Variants in ZHX2 observed in about 807,000 individuals in gnomAD.
ZHX2 encodes the protein zinc fingers and homeoboxes protein 2.
In ZHX2, 6 loss-of-function variants were observed where a neutral mutation model predicts 21.9. That is an observed-to-expected ratio of 0.27 (90% CI 0.15 to 0.54). ZHX2 has a LOEUF of 0.54. ZHX2 is among the 20% of genes least tolerant of loss of function. ZHX2 has a pLI of 0.95. For missense variants in ZHX2, 908 were observed against 1,090.7 expected (o/e 0.83, Z 2.36); for synonymous variants, 434 against 437.1 (o/e 0.99, Z 0.09).
At chr8:122,795,695 C>A (rs1253338594) in intron 1 of ZHX2, among the ~76,000 whole-genome samples, 1 of 152,082 alleles carries the variant, frequency 6.6e-6, no homozygotes, top group Admixed American at 6.5e-5. Context: ...TCCCAACTAC[C>A]CCCATTGGTA....
intron 1 of ZHX2, among the ~76,000 whole-genome samples, chr8:122,806,985 C>G (rs1450854722): frequency 6.6e-6 from 1 of 152,178 alleles, no homozygotes; most frequent in Non-Finnish European, 1.5e-5. Flanking sequence ...GTTCGTCCCA[C>G]TGGTAGAGCT....
intron 2 of ZHX2, among the ~76,000 whole-genome samples, chr8:122,921,234 A>G (rs554477129): frequency 2.4e-4 from 36 of 152,202 alleles, no homozygotes; most frequent in African/African-American, 8.7e-4. Flanking sequence ...GGCACCCACA[A>G]CCACACCTGG....
At chr8:122,941,795 C>T (rs1181271723) in intron 2 of ZHX2, among the ~76,000 whole-genome samples, 1 of 152,174 alleles carries the variant, frequency 6.6e-6, no homozygotes, top group Non-Finnish European at 1.5e-5. Flanking sequence ...AAGGCTGTGC[C>T]GCAGTTGCGT....
At chr8:122,854,109 G>A (rs553755687) in intron 1 of ZHX2, among the ~76,000 whole-genome samples, 21 of 152,296 alleles carry the variant, frequency 1.4e-4, no homozygotes, top group Middle Eastern at 6.8e-3. Flanking sequence ...CAGCTGAGGC[G>A]TGCTAGGTGG....
At chr8:122,905,019 T>A (rs1256459777) in intron 2 of ZHX2, among the ~76,000 whole-genome samples, 3 of 152,184 alleles carry the variant, frequency 2.0e-5, no homozygotes, top group Admixed American at 1.3e-4. Flanking sequence ...CTGGATGACC[T>A]CAACATCAGA....
At chr8:122,909,589 T>A (rs907294932) in intron 2 of ZHX2, among the ~76,000 whole-genome samples, 2 of 151,712 alleles carry the variant, frequency 1.3e-5, no homozygotes, top group African/African-American at 4.8e-5. Flanking sequence ...GGACAGATAA[T>A]CCCCTCCTCC....
chr8:122,888,356 A>G (rs1340783860), intron 2 of ZHX2, among the ~76,000 whole-genome samples: 1 of 152,196 alleles, frequency 6.6e-6, no homozygotes, highest in African/African-American at 2.4e-5. Context: ...TGTAAGAATC[A>G]AGTCAGGGTA....
At chr8:122,938,212 C>T (rs1190769549) in intron 2 of ZHX2, among the ~76,000 whole-genome samples, 2 of 152,142 alleles carry the variant, frequency 1.3e-5, no homozygotes, top group East Asian at 3.9e-4. Flanking sequence ...GGATTACAGG[C>T]ATGAGCCACC....
rs1244478967 is a variant in ZHX2, at chr8:122,892,385, AT to A, written c.-220+28853del. The stretch of plus-strand genomic sequence containing the variant: ...TGTGTTTAACTCATTAAGCCAGTGT[AT>A]TTTTTTAAATTGGAAATTTTAATCC... On this transcript the variant is annotated intron_variant, in intron 2 of 3. Coordinates refer to ENST00000314393, the MANE Select transcript of ZHX2 (RefSeq NM_014943.5). 3.9e-5 allele frequency among the ~76,000 whole-genome samples: 6 copies of A among 152,050 alleles called. No homozygotes were observed. The East Asian group carries it at 1.2e-3, about 29-fold the overall frequency.
intron 2 of ZHX2, among the ~76,000 whole-genome samples, chr8:122,921,192 C>T (rs1307104000): frequency 6.6e-6 from 1 of 152,142 alleles, no homozygotes; most frequent in African/African-American, 2.4e-5. Context: ...AGTGATTCTC[C>T]TGCCTCAGCC....
At chr8:122,857,232 C>A (rs1208804698) in intron 1 of ZHX2, among the ~76,000 whole-genome samples, 3 of 152,096 alleles carry the variant, frequency 2.0e-5, no homozygotes, top group Non-Finnish European at 4.4e-5. Context: ...GACTCTAAGG[C>A]CAGGGTTCAC....
chr8:122,914,091 A>T (rs1197262370), intron 2 of ZHX2, among the ~76,000 whole-genome samples: 1 of 152,186 alleles, frequency 6.6e-6, no homozygotes. Flanking sequence ...CTGGAACCCC[A>T]AGAGAAAAGA....
At chr8:122,923,573 T>C (rs534790326) in intron 2 of ZHX2, among the ~76,000 whole-genome samples, 1 of 152,254 alleles carries the variant, frequency 6.6e-6, no homozygotes, top group Non-Finnish European at 1.5e-5. Context: ...CATCTCTCAA[T>C]GAAAAAAGTG....
intron 1 of ZHX2, among the ~76,000 whole-genome samples, chr8:122,798,474 A>G (rs558624721): frequency 2.6e-5 from 4 of 152,286 alleles, no homozygotes; most frequent in South Asian, 2.1e-4. Flanking sequence ...AATACATTGC[A>G]TGGGGCAGAT....
intron 2 of ZHX2, among the ~76,000 whole-genome samples, chr8:122,865,503 G>A (rs1035953516): frequency 3.9e-5 from 6 of 152,166 alleles, no homozygotes; most frequent in Non-Finnish European, 8.8e-5. Flanking sequence ...AACCTGGCAC[G>A]TAGTAGGTGC....
At chr8:122,831,018 C>T (rs943899513) in intron 1 of ZHX2, among the ~76,000 whole-genome samples, 5 of 152,042 alleles carry the variant, frequency 3.3e-5, no homozygotes, top group African/African-American at 1.2e-4. Context: ...GATGTAGAGT[C>T]GCCTTGGGTA....
intron 1 of ZHX2, among the ~76,000 whole-genome samples, chr8:122,806,685 G>A (rs1281871325): frequency 6.6e-6 from 1 of 152,224 alleles, no homozygotes; most frequent in Non-Finnish European, 1.5e-5. Context: ...GTGGCCATTG[G>A]AACTCAAGTG....
At chr8:122,949,021 A>G (rs1813044813) in intron 2 of ZHX2, among the ~76,000 whole-genome samples, 1 of 152,192 alleles carries the variant, frequency 6.6e-6, no homozygotes, top group Non-Finnish European at 1.5e-5. Context: ...TATAATATGC[A>G]CAACTAAAAG....
chr8:122,815,189 A>C (rs1818005852), intron 1 of ZHX2, among the ~76,000 whole-genome samples: 1 of 152,214 alleles, frequency 6.6e-6, no homozygotes, highest in Non-Finnish European at 1.5e-5. Context: ...CATTTATTGT[A>C]CGTACCACGG....
Sources: gnomAD v4.1 joint callset for allele counts (sites outside exome capture counted in the v4.1 genomes callset) on GRCh38, gnomAD v4.1.1 for gene constraint, MANE v1.5 for transcripts, NCBI Gene and HGNC (gene_info 2026-07-23, HGNC 2026-07-21) for gene names.